The following ART3 variants were observed in gnomAD, a reference collection of about 807,000 sequenced individuals.
ART3 encodes the protein ecto-ADP-ribosyltransferase 3.
ART3 carries 49 observed loss-of-function variants against 48.5 expected under a neutral mutation model. The observed-to-expected ratio is 1.01, with a 90% CI of 0.80 to 1.28. The LOEUF is 1.28. Ranked by LOEUF, ART3 falls within the 50% of genes most tolerant of loss-of-function variation. The pLI is 0.00. For missense variants in ART3, 438 were observed against 454.3 expected, an observed-to-expected ratio of 0.96 and a Z score of 0.33; for synonymous variants, 145 against 157.2, an observed-to-expected ratio of 0.92 and a Z score of 0.58.
chr4:76,068,124 G>C (rs2149495317), intron 1 of ART3, among the ~76,000 whole-genome samples: 1 of 152,220 alleles, frequency 6.6e-6, no homozygotes, highest in South Asian at 2.1e-4. Flanking sequence ...GAGTATGTAG[G>C]CAAGATAGTT....
intron 1 of ART3, among the ~76,000 whole-genome samples, chr4:76,069,438 G>T (rs1474638641): frequency 7.3e-6 from 1 of 137,816 alleles, no homozygotes; most frequent in Non-Finnish European, 1.5e-5. Flanking sequence ...CACCCAGGCT[G>T]GAGTGCGGTG....
chr4:76,076,010 T>TC (rs1452555674), intron 2 of ART3, 52 bp downstream of exon 2: 2 of 1,535,336 alleles, frequency 1.3e-6, no homozygotes, highest in Non-Finnish European at 1.8e-6. Context: ...ATTCGTTTTT[T>TC]TTTTTTTTTG....
At chr4:76,104,928 G>T in intron 10 of ART3, among the ~76,000 whole-genome samples, 1 of 152,096 alleles carries the variant, frequency 6.6e-6, no homozygotes, top group East Asian at 1.9e-4. Flanking sequence ...TAGATATTTG[G>T]CATCTTAAAA....
chr4:76,102,825 T>TATAG (rs1294138628), intron 8 of ART3, among the ~76,000 whole-genome samples: 1 of 152,052 alleles, frequency 6.6e-6, no homozygotes, highest in African/African-American at 2.4e-5. Flanking sequence ...TAACGTATTA[T>TATAG]ATAGTTAGGA....
intron 1 of ART3, among the ~76,000 whole-genome samples, chr4:76,018,445 G>T (rs114751157): frequency 0.013 from 2,005 of 152,242 alleles, 37 homozygotes; most frequent in African/African-American, 0.045. Context: ...GACAGTGGGG[G>T]TAGGGAGGAA....
intron 1 of ART3, among the ~76,000 whole-genome samples, chr4:76,065,080 C>T (rs1719595253): frequency 6.6e-6 from 1 of 152,096 alleles, no homozygotes; most frequent in Non-Finnish European, 1.5e-5. Context: ...GATCTGCCCA[C>T]CTTGGCCTCC....
chr4:76,076,651 A>G (rs1721149226), intron 2 of ART3, among the ~76,000 whole-genome samples: 2 of 152,218 alleles, frequency 1.3e-5, no homozygotes. Context: ...CATGTCACGC[A>G]TGTCATCAGA....
At chr4:76,059,912 A>C (rs1719044078) in intron 1 of ART3, among the ~76,000 whole-genome samples, 1 of 152,232 alleles carries the variant, frequency 6.6e-6, no homozygotes, top group South Asian at 2.1e-4. Flanking sequence ...GAATTAGCAA[A>C]GAGGATGTTG....
chr4:76,107,309 A>G (rs1049708117), intron 10 of ART3: 9 of 152,594 alleles, frequency 5.9e-5, no homozygotes, highest in African/African-American at 2.2e-4. Context: ...TACCCCCGTG[A>G]TTTTATGCAT....
intron 1 of ART3, among the ~76,000 whole-genome samples, chr4:76,055,347 G>A (rs150445209): frequency 1.7e-3 from 252 of 152,318 alleles, no homozygotes; most frequent in African/African-American, 5.5e-3. Context: ...CATGTGGCAC[G>A]TAATGTACAT....
At chr4:76,047,121 A>G (rs888183630) in intron 1 of ART3, among the ~76,000 whole-genome samples, 2 of 152,012 alleles carry the variant, frequency 1.3e-5, no homozygotes, top group African/African-American at 4.8e-5. Flanking sequence ...CATAGTGGAC[A>G]TGGACGAGGG....
At chr4:76,035,165 A>G (rs368661600) in intron 1 of ART3, 44 of 1,613,210 alleles carry the variant, frequency 2.7e-5, no homozygotes, top group Non-Finnish European at 3.5e-5. Flanking sequence ...ATGCAAATAC[A>G]TAAACAAAAA....
In ART3 at chr4:76,099,541, C is replaced by G. The variant is rs190155102; in HGVS notation, c.847+554C>G. ...GAATACGGGTGGTGAGAATGAAGAGCTAGAGTCATTCTTGACCAGTTATGA... is the reference window on the plus strand; with the variant it reads ...GAATACGGGTGGTGAGAATGAAGAGGTAGAGTCATTCTTGACCAGTTATGA... On this transcript the variant is annotated intron_variant, in intron 5 of 11. Coordinates refer to ENST00000355810, the MANE Select transcript of ART3 (RefSeq NM_001130016.3). The G allele has an allele frequency of 8.6e-5, 14 of 163,612 alleles. No individual in the cohort carries two copies. In the East Asian group the frequency reaches 2.6e-3, roughly 31 times the overall value. The allele number at this position is 163,612 out of a possible 1,614,324, so 10.1% of individuals were successfully genotyped here.
chr4:76,059,573 T>G (rs1719006454), intron 1 of ART3, among the ~76,000 whole-genome samples: 1 of 152,200 alleles, frequency 6.6e-6, no homozygotes, highest in Non-Finnish European at 1.5e-5. Flanking sequence ...AGTGGCTTTT[T>G]TCTTAAATAT....
At chr4:76,072,280 C>T (rs1053081062), upstream of ART3, among the ~76,000 whole-genome samples, 2 of 152,180 alleles carry the variant, frequency 1.3e-5, no homozygotes, top group African/African-American at 4.8e-5. Context: ...ATACAGTAGA[C>T]TTTTAGAACC....
intron 3 of ART3, among the ~76,000 whole-genome samples, chr4:76,091,325 G>A (rs1040855395): frequency 3.3e-5 from 5 of 152,172 alleles, no homozygotes; most frequent in African/African-American, 9.7e-5. Context: ...CTGCCAAATG[G>A]TTTTCCAGAG....
intron 1 of ART3, among the ~76,000 whole-genome samples, chr4:76,049,335 A>G (rs924523770): frequency 5.9e-5 from 9 of 151,850 alleles, no homozygotes; most frequent in African/African-American, 1.9e-4. Flanking sequence ...GGGTCAGGAT[A>G]GATAGGATAG....
chr4:76,100,657 G>C, intron 6 of ART3, 138 bp from the exon 7 acceptor site: 1 of 1,009,696 alleles, frequency 9.9e-7, no homozygotes, highest in Non-Finnish European at 1.5e-6. Flanking sequence ...AATTCTGGGG[G>C]CTTGCATTTT....
chr4:76,069,493 G>T (rs912965664), intron 1 of ART3, among the ~76,000 whole-genome samples: 1 of 147,348 alleles, frequency 6.8e-6, no homozygotes, highest in Non-Finnish European at 1.5e-5. Context: ...GGGTTCAAGC[G>T]ATTTTCCTGC....
Sources: gnomAD v4.1 joint callset for allele counts (sites outside exome capture counted in the v4.1 genomes callset) on GRCh38, gnomAD v4.1.1 for gene constraint, MANE v1.5 for transcripts, NCBI Gene and HGNC (gene_info 2026-07-23, HGNC 2026-07-21) for gene names.